The following UBR1 variants were observed in gnomAD, a reference collection of about 807,000 sequenced individuals.
UBR1 encodes the protein E3 ubiquitin-protein ligase UBR1.
UBR1 carries 102 observed loss-of-function variants against 242.1 expected under a neutral mutation model. That is an observed-to-expected ratio of 0.42 (90% confidence interval 0.36 to 0.50). UBR1 has a LOEUF of 0.50. Among genes scored for constraint, UBR1 ranks in the 20% least tolerant of loss-of-function variants. UBR1 has a pLI of 0.01. For synonymous variants in UBR1, 675 were observed against 684.8 expected (o/e 0.99, Z 0.22); for missense variants, 1,772 against 2,101.8 (o/e 0.84, Z 3.07).
intron 33 of UBR1, among the ~76,000 whole-genome samples, chr15:42,991,390 CT>C (rs1567117809): frequency 6.6e-6 from 1 of 152,084 alleles, no homozygotes; most frequent in Non-Finnish European, 1.5e-5. Flanking sequence ...ACACGCACCA[CT>C]GTGCCTGGCT....
intron 10 of UBR1, among the ~76,000 whole-genome samples, chr15:43,056,805 A>G (rs1160673841): frequency 6.6e-6 from 1 of 152,014 alleles, no homozygotes; most frequent in Non-Finnish European, 1.5e-5. Context: ...CTCTAATGGT[A>G]TTGGGCAGGG....
At chr15:43,052,821 G>T (rs150452310) in intron 12 of UBR1, among the ~76,000 whole-genome samples, 15 of 152,286 alleles carry the variant, frequency 9.8e-5, no homozygotes, top group African/African-American at 3.4e-4. Flanking sequence ...AGTAGATTTT[G>T]TGTTGTTGTT....
At chr15:42,959,873 A>AT (rs1048547924) in intron 43 of UBR1, among the ~76,000 whole-genome samples, 8 of 152,308 alleles carry the variant, frequency 5.3e-5, no homozygotes, top group African/African-American at 1.9e-4. Context: ...AAGGCGGCAA[A>AT]TGTGCACTGT....
rs1596136393 is a variant in UBR1, at chr15:43,082,803, T to G, written c.339-87A>C. On this transcript the variant is annotated intron_variant, in intron 2 of 46. Transcript: ENST00000290650. ...GACTATAATACAATGTGAACAAGTT[T>G]CCTCTATGGTACACAAACTGAATAT... 3 of 947,276 alleles carry G rather than the reference T, an allele frequency of 3.2e-6. No homozygotes were observed. In the East Asian group the frequency reaches 7.3e-5, roughly 23 times the overall value. 58.7% of individuals were successfully genotyped at this position (947,276 alleles called of 1,614,324 possible). A position where few individuals can be genotyped will look rare whatever the true frequency, so the allele number is the denominator to read the frequency against.
chr15:43,010,014 G>A (rs1382631942), intron 29 of UBR1, among the ~76,000 whole-genome samples: 1 of 152,180 alleles, frequency 6.6e-6, no homozygotes, highest in African/African-American at 2.4e-5. Flanking sequence ...TGGGATTACA[G>A]GCACCTGCCA....
chr15:43,070,760 C>A, intron 5 of UBR1, 35 bp downstream of exon 5: 2 of 1,610,458 alleles, frequency 1.2e-6, no homozygotes, highest in Non-Finnish European at 1.7e-6. Flanking sequence ...AAATAACCAT[C>A]ACTAAAACTT....
chr15:43,073,979 T>C (rs1478676402), intron 4 of UBR1, among the ~76,000 whole-genome samples: 2 of 152,254 alleles, frequency 1.3e-5, no homozygotes, highest in Non-Finnish European at 2.9e-5. Context: ...TTCCTTGAAG[T>C]TGTGAAATAA....
intron 15 of UBR1, 135 bp downstream of exon 15, chr15:43,043,080 G>T: frequency 1.1e-6 from 1 of 911,456 alleles, no homozygotes; most frequent in Non-Finnish European, 1.7e-6. Flanking sequence ...GACAGTGACA[G>T]CCCTTAACTG....
intron 1 of UBR1, among the ~76,000 whole-genome samples, chr15:43,100,157 G>A (rs2034213330): frequency 6.6e-6 from 1 of 152,182 alleles, no homozygotes; most frequent in African/African-American, 2.4e-5. Context: ...TTACAGGCAT[G>A]AGCCACTGCA....
chr15:43,090,362 G>C (rs1239744210), intron 1 of UBR1, among the ~76,000 whole-genome samples: 2 of 152,046 alleles, frequency 1.3e-5, no homozygotes, highest in Non-Finnish European at 2.9e-5. Flanking sequence ...TCATTACTCT[G>C]CTTATCGAAT....
At chr15:43,067,723 T>C (rs978721599) in intron 6 of UBR1, among the ~76,000 whole-genome samples, 175 bp downstream of exon 6, 2 of 152,190 alleles carry the variant, frequency 1.3e-5, no homozygotes, top group Non-Finnish European at 2.9e-5. Flanking sequence ...TAAATAGTTA[T>C]TTAAAATTAT....
intron 12 of UBR1, among the ~76,000 whole-genome samples, chr15:43,051,892 T>C (rs969561363): frequency 1.3e-5 from 2 of 152,186 alleles, no homozygotes; most frequent in Admixed American, 6.5e-5. Flanking sequence ...CTATACTTTC[T>C]GGAAATGGAA....
At chr15:43,027,747 T>C in intron 22 of UBR1, 29 bp downstream of exon 22, 1 of 1,599,522 alleles carries the variant, frequency 6.3e-7, no homozygotes, top group South Asian at 1.1e-5. Context: ...AACTACCTTT[T>C]AGAATAAGCA....
Position 43,015,841 on chromosome 15 carries a change from C to G in UBR1, c.3056G>C (p.Arg1019Pro). Residue 1019 changes from arginine to proline, a missense_variant, in exon 29 of 47, where the codon CGA (arginine) becomes CCA (proline). Arg to Pro is a moderately radical substitution (Grantham distance 103, BLOSUM62 -2). Transcript: ENST00000290650. ...CCTAGCAGCTTCAGCTTTTCTTTTT[C>G]GTTCTGCTTTTTCTTTATCATGAGT... is the stretch of plus-strand genomic sequence containing the variant. ...EITHDKEKAE[R>P]KRKAEAARLH... is the part of the protein sequence containing the mutation. 6 of 1,613,996 alleles carry G rather than the reference C, an allele frequency of 3.7e-6. No individual in the cohort carries two copies. The highest frequency in any genetic ancestry group is 5.1e-6 in the Non-Finnish European group (6 of 1,179,998).
chr15:43,058,207 G>T, intron 10 of UBR1, 134 bp downstream of exon 10: 2 of 715,034 alleles, frequency 2.8e-6, no homozygotes, highest in Non-Finnish European at 4.6e-6. Flanking sequence ...AACCCGCAGG[G>T]CCAAGAACAA....
intron 25 of UBR1, among the ~76,000 whole-genome samples, chr15:43,024,495 T>A (rs2033153737): frequency 6.6e-6 from 1 of 152,258 alleles, no homozygotes; most frequent in Non-Finnish European, 1.5e-5. Context: ...CGTCTAGACC[T>A]ATCTTCAAAT....
At chr15:43,036,764 G>A (rs968220977) in intron 17 of UBR1, among the ~76,000 whole-genome samples, 171 bp from the exon 18 acceptor site, 1 of 152,146 alleles carries the variant, frequency 6.6e-6, no homozygotes, top group African/African-American at 2.4e-5. Context: ...CGAGGATGAA[G>A]TGAAGAAATA....
chr15:42,985,509 C>T (rs775398143), intron 35 of UBR1, among the ~76,000 whole-genome samples: 61 of 152,018 alleles, frequency 4.0e-4, no homozygotes, highest in Non-Finnish European at 1.6e-4. Context: ...TGCACCACTA[C>T]GCCAGCTAAA....
intron 33 of UBR1, among the ~76,000 whole-genome samples, chr15:42,997,918 T>C (rs745881442): frequency 2.0e-5 from 3 of 152,180 alleles, no homozygotes; most frequent in Non-Finnish European, 4.4e-5. Flanking sequence ...TCTAAGCAGT[T>C]TGACTGCTTG....
Sources: allele counts gnomAD v4.1 joint callset (sites outside exome capture counted in the v4.1 genomes callset), GRCh38; gene constraint gnomAD v4.1.1; transcripts MANE v1.5; gene names NCBI Gene and HGNC (gene_info 2026-07-23, HGNC 2026-07-21).